The following KDM4B variants were observed in gnomAD, a reference collection of about 807,000 sequenced individuals.
KDM4B encodes lysine demethylase 4B.
KDM4B carries 32 observed loss-of-function variants against 125.2 expected under a neutral mutation model. That is an observed-to-expected ratio of 0.26 (90% CI 0.19 to 0.34). The LOEUF (loss-of-function observed/expected upper bound fraction) is 0.34. KDM4B is among the 10% of genes least tolerant of loss of function. The pLI is 1.00. For missense variants in KDM4B, 1,190 were observed against 1,577.7 expected (o/e 0.75, Z 4.16); for synonymous variants, 721 against 677.9 (o/e 1.06, Z -0.99).
chr19:5,037,507 T>C (rs2036667239), intron 3 of KDM4B, among the ~76,000 whole-genome samples: 1 of 152,194 alleles, frequency 6.6e-6, no homozygotes, highest in African/African-American at 2.4e-5. Context: ...CAGGGACAGG[T>C]GCCCCAGGCG....
At chr19:5,105,260 G>A (rs896590434) in intron 9 of KDM4B, among the ~76,000 whole-genome samples, 5 of 152,260 alleles carry the variant, frequency 3.3e-5, no homozygotes, top group African/African-American at 9.6e-5. Context: ...AGTGGGGCGC[G>A]CGCAGCTGCC....
At position 5,133,896 on chromosome 19, in the gene KDM4B, C is replaced by A. The variant is rs143986824; in HGVS notation, c.1920C>A (p.Phe640Leu). 1.1e-5 allele frequency: 18 copies of A among 1,613,044 alleles called. No individual in the cohort carries two copies. Among genetic ancestry groups the A allele is most frequent in the Non-Finnish European group, 1.5e-5 (18 of 1,179,882 alleles). The change falls in exon 14 of 23, where the codon TTC (phenylalanine) becomes TTA (leucine). Residue 640 changes from phenylalanine (F) to leucine (L), a missense_variant. This residue lies in a region of KDM4B where 128 missense variants were observed against 137.8 expected (regional missense o/e 0.93). Coordinates refer to ENST00000159111, the MANE Select transcript of KDM4B (RefSeq NM_015015.3). The part of the protein sequence containing the change: ...EASSDEEASP[F>L]SGEEDVSDPD... ...CTGTTCTTCTAGAGGCATCCCCTTTCTCCGGGGAGGAAGATGTGAGTGACC... is the reference window on the plus strand; with the variant it reads ...CTGTTCTTCTAGAGGCATCCCCTTTATCCGGGGAGGAAGATGTGAGTGACC...
chr19:4,973,831 A>C lies in KDM4B; in HGVS notation c.-109+4601A>C, dbSNP rs944711687. 1.0e-4 allele frequency among the ~76,000 whole-genome samples: 15 copies of C among 150,422 alleles called. No individual in the cohort carries two copies. The East Asian group carries it at 1.2e-3, about 12-fold the overall frequency. The stretch of plus-strand genomic sequence containing the variant: ...CTCTGAAACAAAGCATATTAAAAAA[A>C]AAAAAAAAAAAAAACTGGCTGGGTG... On this transcript the variant is annotated intron_variant, in intron 1 of 22. Transcript: ENST00000159111.
chr19:5,007,843 A>G (rs1277739359), intron 1 of KDM4B, among the ~76,000 whole-genome samples: 1 of 152,126 alleles, frequency 6.6e-6, no homozygotes, highest in African/African-American at 2.4e-5. Flanking sequence ...ATGAGCTGCC[A>G]TGACCAGCCA....
At chr19:5,050,983 C>T (rs536700624) in intron 6 of KDM4B, among the ~76,000 whole-genome samples, 24 of 152,186 alleles carry the variant, frequency 1.6e-4, no homozygotes, top group African/African-American at 4.6e-4. Flanking sequence ...CCTCCAAGGC[C>T]GGTCCTGCGG....
chr19:4,999,651 A>G (rs984411855), intron 1 of KDM4B, among the ~76,000 whole-genome samples: 1 of 152,126 alleles, frequency 6.6e-6, no homozygotes, highest in East Asian at 1.9e-4. Flanking sequence ...TGACATTTGT[A>G]TCCATCTCTG....
At chr19:5,063,705 C>T (rs2037677390) in intron 6 of KDM4B, among the ~76,000 whole-genome samples, 3 of 152,334 alleles carry the variant, frequency 2.0e-5, no homozygotes, top group South Asian at 4.1e-4. Flanking sequence ...GTGAATAGGT[C>T]CTCAGGTTCC....
chr19:5,077,203 G>A, intron 7 of KDM4B, 164 bp from the exon 8 acceptor site: 1 of 658,726 alleles, frequency 1.5e-6, no homozygotes, highest in Non-Finnish European at 2.7e-6. Flanking sequence ...CCGACCTGCA[G>A]GCACTGGGGC....
intron 11 of KDM4B, among the ~76,000 whole-genome samples, chr19:5,125,369 C>T (rs943685559): frequency 6.6e-6 from 1 of 152,164 alleles, no homozygotes; most frequent in Non-Finnish European, 1.5e-5. Flanking sequence ...CTCCTCTGGT[C>T]TCCCCTCCCC....
chr19:5,086,196 C>A (rs907767375), intron 9 of KDM4B, among the ~76,000 whole-genome samples: 1 of 151,990 alleles, frequency 6.6e-6, no homozygotes, highest in East Asian at 1.9e-4. Context: ...ACCCCTGCCC[C>A]CCCCCACCCC....
chr19:4,971,797 T>C lies in KDM4B; in HGVS notation c.-109+2567T>C, dbSNP rs911285046. Among the ~76,000 whole-genome samples the C allele has an allele frequency of 2.0e-5, 3 of 152,124 alleles. No homozygotes were observed. Among genetic ancestry groups the C allele is most frequent in the Non-Finnish European group, 4.4e-5 (3 of 68,024 alleles). On this transcript the variant is annotated intron_variant, in intron 1 of 22. Transcript: ENST00000159111. The surrounding 1 kb of genome is among the most constrained non-coding windows in gnomAD (Gnocchi z 4.1). Reference sequence around the variant, plus strand: ...TGAGGTGCATTTGTAGGTGGCTTTGTTCCCTGGATCGGGGAGCGGAATTGG... The same window carrying C: ...TGAGGTGCATTTGTAGGTGGCTTTGCTCCCTGGATCGGGGAGCGGAATTGG...
chr19:5,069,965 G>T (rs2037895361), intron 6 of KDM4B, among the ~76,000 whole-genome samples: 1 of 152,178 alleles, frequency 6.6e-6, no homozygotes, highest in Non-Finnish European at 1.5e-5. Context: ...TAGTGGAGCA[G>T]GGGCCGTCTC....
intron 9 of KDM4B, among the ~76,000 whole-genome samples, chr19:5,108,289 C>T (rs980764884): frequency 2.0e-5 from 3 of 152,274 alleles, no homozygotes; most frequent in Non-Finnish European, 4.4e-5. Flanking sequence ...CATCTGTGTT[C>T]CTGCCACTCC....
At chr19:4,982,633 G>A (rs1172014112) in intron 1 of KDM4B, among the ~76,000 whole-genome samples, 1 of 149,844 alleles carries the variant, frequency 6.7e-6, no homozygotes, top group Non-Finnish European at 1.5e-5. Flanking sequence ...CTTTTTTTGT[G>A]GCGGAGTCTC....
intron 8 of KDM4B, among the ~76,000 whole-genome samples, chr19:5,079,506 T>C (rs1279396627): frequency 6.6e-6 from 1 of 152,144 alleles, no homozygotes; most frequent in African/African-American, 2.4e-5. Context: ...AGAGCTTGGC[T>C]CTCTGCTGCC....
At position 5,119,111 on chromosome 19, in the gene KDM4B, A is replaced by G. The variant is rs528450639; in HGVS notation, c.1116-542A>G. The G allele has an allele frequency of 1.8e-5, 27 of 1,513,534 alleles. 1 individual carries two copies. The African/African-American group carries it at 2.1e-4, about 12-fold the overall frequency. 93.8% of individuals were successfully genotyped at this position (1,513,534 alleles called of 1,614,324 possible). A position where few individuals can be genotyped will look rare whatever the true frequency, so the allele number is the denominator to read the frequency against. ...TAGAGAAAAAACCCGTGAAATTTAC[A>G]TTCTAGACAAATTAGTCTGAAAGAA... On this transcript the variant is annotated intron_variant, in intron 10 of 22. Transcript: ENST00000159111.
intron 13 of KDM4B, among the ~76,000 whole-genome samples, chr19:5,133,092 C>T (rs2039587492): frequency 6.6e-6 from 1 of 152,184 alleles, no homozygotes; most frequent in South Asian, 2.1e-4. Context: ...GAGGATTGGG[C>T]CACAGGAGTG....
chr19:5,020,051 C>T (rs111164916), intron 2 of KDM4B, among the ~76,000 whole-genome samples: 980 of 37,390 alleles, frequency 0.026, 32 homozygotes, highest in South Asian at 0.16. Context: ...GTGCAGGTGT[C>T]GGTGTGGGTG....
At chr19:5,125,045 G>A (rs1318909614) in intron 11 of KDM4B, among the ~76,000 whole-genome samples, 2 of 151,984 alleles carry the variant, frequency 1.3e-5, no homozygotes, top group African/African-American at 2.4e-5. Context: ...GACTGTGGAC[G>A]TGCACCGCAA....
Sources: gnomAD v4.1 joint callset for allele counts (sites outside exome capture counted in the v4.1 genomes callset) on GRCh38, gnomAD v4.1.1 for gene constraint, gnomAD v4.1.1 regional missense constraint, Gnocchi (gnomAD v3.1) non-coding constraint, MANE v1.5 for transcripts, NCBI Gene and HGNC (gene_info 2026-07-23, HGNC 2026-07-21) for gene names.